ENOX1: variants seen among roughly 807,000 people sequenced by gnomAD.
ENOX1 encodes the protein candidate growth-related and time keeping constitutive hydroquinone (NADH) oxidase.
Under a neutral mutation model 82.5 loss-of-function variants are expected in ENOX1, and 42 were observed. The ratio of observed to expected loss-of-function variants is 0.51; its 90% CI spans 0.40 to 0.66. ENOX1 has a LOEUF of 0.66. Among genes scored for constraint, ENOX1 ranks in the 30% least tolerant of loss-of-function variants. ENOX1 has a pLI of 0.00. For missense variants in ENOX1, 608 were observed against 811.6 expected (o/e 0.75, Z 3.05); for synonymous variants, 271 against 282.2 (o/e 0.96, Z 0.40).
chr13:43,374,493 G>A (rs780396485), intron 5 of ENOX1, among the ~76,000 whole-genome samples: 40 of 152,138 alleles, frequency 2.6e-4, no homozygotes, highest in Admixed American at 6.5e-4. Context: ...TGATCCTCCC[G>A]CCTCAGCCTC....
At position 43,486,196 on chromosome 13, in the gene ENOX1, C is replaced by T. The variant is rs149359933; in HGVS notation, c.-218-2044G>A. ...CTGCATTCCAGCCTGGGTGACAGAG[C>T]GAGACTTCGTCTCAAAAACAAAAAC... On this transcript the variant is annotated intron_variant, in intron 2 of 16. Transcript: ENST00000690772. 4.8e-3 allele frequency among the ~76,000 whole-genome samples: 731 copies of T among 152,078 alleles called. 6 individuals are homozygous for T. The highest frequency in any genetic ancestry group is 0.016 in the African/African-American group (672 of 41,496).
intron 1 of ENOX1, among the ~76,000 whole-genome samples, chr13:43,736,783 T>A (rs947307453): frequency 4.0e-5 from 6 of 151,838 alleles, no homozygotes; most frequent in African/African-American, 1.5e-4. Flanking sequence ...TTAGAAGAAG[T>A]GGAAGGGGTG....
chr13:43,736,416 T>C (rs1333879511), intron 1 of ENOX1, among the ~76,000 whole-genome samples: 2 of 152,142 alleles, frequency 1.3e-5, no homozygotes, highest in African/African-American at 2.4e-5. Context: ...ATTTCTAGAA[T>C]TATTATTACT....
In ENOX1 at chr13:43,462,641, T is replaced by C. The variant is rs75173437; in HGVS notation, c.-75+21368A>G. Among the ~76,000 whole-genome samples, 41 of 152,364 alleles carry C rather than the reference T, an allele frequency of 2.7e-4. 1 individual carries two copies. The East Asian group carries it at 7.9e-3, about 29-fold the overall frequency. Reference sequence around the variant, plus strand: ...GTTATCACTGGTGTGAACAACATTATGTGCAAACAAATTCTTCGAGAGGGT... The same window carrying C: ...GTTATCACTGGTGTGAACAACATTACGTGCAAACAAATTCTTCGAGAGGGT... On this transcript the variant is annotated intron_variant, in intron 3 of 16. Coordinates refer to ENST00000690772, the MANE Select transcript of ENOX1 (RefSeq NM_001347969.2).
intron 2 of ENOX1, among the ~76,000 whole-genome samples, chr13:43,572,173 T>A (rs972616533): frequency 6.6e-5 from 10 of 151,816 alleles, no homozygotes; most frequent in Admixed American, 5.9e-4. Context: ...TGGAAAAAAA[T>A]TCTCCCCAAT....
chr13:43,388,527 A>G (rs571294153), intron 5 of ENOX1, among the ~76,000 whole-genome samples: 2 of 152,334 alleles, frequency 1.3e-5, no homozygotes, highest in African/African-American at 4.8e-5. Context: ...GTCTCTGCTC[A>G]TAAACAGTGA....
At chr13:43,262,824 G>A (rs2044155051) in intron 14 of ENOX1, among the ~76,000 whole-genome samples, 1 of 152,302 alleles carries the variant, frequency 6.6e-6, no homozygotes, top group East Asian at 1.9e-4. Flanking sequence ...TACTTGTTGA[G>A]TATGTACTCT....
chr13:43,558,654 C>T (rs74323436), intron 2 of ENOX1, among the ~76,000 whole-genome samples: 5,205 of 152,194 alleles, frequency 0.034, 260 homozygotes, highest in African/African-American at 0.11. Context: ...ATTAAACAGA[C>T]TGGACGATTC....
intron 2 of ENOX1, among the ~76,000 whole-genome samples, chr13:43,549,228 ATCAG>A (rs1358191650): frequency 1.3e-5 from 2 of 152,234 alleles, no homozygotes; most frequent in Non-Finnish European, 2.9e-5. Context: ...CCACTGTAAT[ATCAG>A]TCACATTGAA....
At chr13:43,469,567 G>T (rs1310422895) in intron 3 of ENOX1, among the ~76,000 whole-genome samples, 1 of 151,808 alleles carries the variant, frequency 6.6e-6, no homozygotes, top group Non-Finnish European at 1.5e-5. Flanking sequence ...AAATATAATA[G>T]TAGGTATTTA....
At chr13:43,252,233 C>A (rs1022882630) in intron 14 of ENOX1, among the ~76,000 whole-genome samples, 3 of 152,186 alleles carry the variant, frequency 2.0e-5, no homozygotes, top group Non-Finnish European at 4.4e-5. Context: ...AGCATCACGG[C>A]CACAAGTCTC....
chr13:43,221,371 G>A (rs2153450855), intron 16 of ENOX1, among the ~76,000 whole-genome samples: 1 of 152,318 alleles, frequency 6.6e-6, no homozygotes, highest in Non-Finnish European at 1.5e-5. Context: ...AAGAGGTTGG[G>A]CTTGATGGGC....
intron 3 of ENOX1, among the ~76,000 whole-genome samples, chr13:43,443,128 C>T (rs1172195578): frequency 6.6e-6 from 1 of 152,056 alleles, no homozygotes; most frequent in African/African-American, 2.4e-5. Context: ...ATAAACAGCT[C>T]CCTTAGTGCA....
At chr13:43,219,782 A>G (rs2041688083) in intron 16 of ENOX1, among the ~76,000 whole-genome samples, 1 of 152,198 alleles carries the variant, frequency 6.6e-6, no homozygotes, top group South Asian at 2.1e-4. Flanking sequence ...GATGCAAATC[A>G]ATTTGTTCTC....
At chr13:43,282,460 T>C (rs563032854) in intron 12 of ENOX1, among the ~76,000 whole-genome samples, 1 of 151,880 alleles carries the variant, frequency 6.6e-6, no homozygotes, top group Admixed American at 6.6e-5. Context: ...TTCTTTTTTT[T>C]TTTTTGAGAC....
chr13:43,484,572 G>T (rs1003227995), intron 2 of ENOX1, among the ~76,000 whole-genome samples: 1 of 152,140 alleles, frequency 6.6e-6, no homozygotes, highest in Non-Finnish European at 1.5e-5. Flanking sequence ...AGAAAAAAAT[G>T]CACAGATTGC....
chr13:43,396,032 C>T (rs377278298), intron 5 of ENOX1, among the ~76,000 whole-genome samples: 13 of 152,228 alleles, frequency 8.5e-5, no homozygotes, highest in East Asian at 7.7e-4. Flanking sequence ...CCGGTTACCT[C>T]TTACTGATAA....
intron 15 of ENOX1, among the ~76,000 whole-genome samples, chr13:43,235,403 CT>C (rs772841658): frequency 3.9e-5 from 6 of 152,124 alleles, no homozygotes; most frequent in Non-Finnish European, 8.8e-5. Context: ...CCTGTTGTAC[CT>C]GTCATTTTTA....
chr13:43,373,666 A>C (rs1428693056), intron 5 of ENOX1, among the ~76,000 whole-genome samples: 1 of 152,230 alleles, frequency 6.6e-6, no homozygotes, highest in African/African-American at 2.4e-5. Context: ...ACTTTTAAAA[A>C]TACTTCATTA....
Sources: gnomAD v4.1 joint callset for allele counts (sites outside exome capture counted in the v4.1 genomes callset) on GRCh38, gnomAD v4.1.1 for gene constraint, MANE v1.5 for transcripts, NCBI Gene and HGNC (gene_info 2026-07-23, HGNC 2026-07-21) for gene names.